The following KCNIP1 variants were observed in gnomAD, a reference collection of about 807,000 sequenced individuals.
The protein encoded by KCNIP1 is A-type potassium channel modulatory protein KCNIP1.
KCNIP1 carries 18 observed loss-of-function variants against 33.0 expected under a neutral mutation model. The ratio of observed to expected loss-of-function variants is 0.55; its 90% CI spans 0.38 to 0.81. The LOEUF (loss-of-function observed/expected upper bound fraction) is 0.81, where lower values mean the gene tolerates loss of function less well. Ranked by LOEUF, KCNIP1 falls within the 30% of genes least tolerant of loss-of-function variation. The pLI is 0.00. For synonymous variants in KCNIP1, 93 were observed against 98.3 expected (o/e 0.95, Z 0.32); for missense variants, 238 against 271.6 (o/e 0.88, Z 0.87).
At chr5:170,570,758 C>A (rs1401396550) in intron 1 of KCNIP1, among the ~76,000 whole-genome samples, 2 of 152,220 alleles carry the variant, frequency 1.3e-5, no homozygotes, top group African/African-American at 2.4e-5. Flanking sequence ...GTGGGGACAC[C>A]GAACAGGAGA....
intron 1 of KCNIP1, among the ~76,000 whole-genome samples, chr5:170,544,417 A>G (rs1202683484): frequency 6.6e-6 from 1 of 152,146 alleles, no homozygotes; most frequent in African/African-American, 2.4e-5. Context: ...TTGATACTTC[A>G]TTTAACTCCT....
intron 1 of KCNIP1, among the ~76,000 whole-genome samples, chr5:170,497,617 G>A (rs147515052): frequency 0.011 from 1,654 of 152,218 alleles, 16 homozygotes; most frequent in Non-Finnish European, 0.015. Context: ...CTAACCACCC[G>A]TCCCCTTTCA....
At chr5:170,573,218 T>C (rs1258497590) in intron 1 of KCNIP1, among the ~76,000 whole-genome samples, 4 of 152,212 alleles carry the variant, frequency 2.6e-5, no homozygotes, top group Non-Finnish European at 4.4e-5. Context: ...TAGGGTAATA[T>C]TGGTACTTTA....
chr5:170,674,500 A>G (rs939075896), intron 1 of KCNIP1, among the ~76,000 whole-genome samples: 2 of 152,192 alleles, frequency 1.3e-5, no homozygotes, highest in Admixed American at 1.3e-4. Flanking sequence ...GCCGGGAGGC[A>G]TCGACTCCCG....
intron 1 of KCNIP1, among the ~76,000 whole-genome samples, chr5:170,552,443 A>G (rs1756682360): frequency 6.6e-6 from 1 of 152,222 alleles, no homozygotes; most frequent in Non-Finnish European, 1.5e-5. Flanking sequence ...GATCCAAAGG[A>G]AAGAAAGCAG....
chr5:170,384,680 C>A (rs549765657), intron 1 of KCNIP1, among the ~76,000 whole-genome samples: 18 of 152,330 alleles, frequency 1.2e-4, no homozygotes, highest in African/African-American at 4.1e-4. Context: ...GCTGGGGGAA[C>A]TGAGTGTCTT....
chr5:170,596,005 T>C (rs1428077026), intron 1 of KCNIP1, among the ~76,000 whole-genome samples: 1 of 152,214 alleles, frequency 6.6e-6, no homozygotes, highest in East Asian at 1.9e-4. Flanking sequence ...ACAGCAGAGC[T>C]TCCAGCAATG....
intron 1 of KCNIP1, among the ~76,000 whole-genome samples, chr5:170,702,136 C>A (rs1313025541): frequency 6.6e-6 from 1 of 152,250 alleles, no homozygotes; most frequent in Admixed American, 6.5e-5. Flanking sequence ...TTTCCATTCA[C>A]AGCTCCATCC....
chr5:170,424,167 G>T (rs140854642), intron 1 of KCNIP1, among the ~76,000 whole-genome samples: 24 of 152,316 alleles, frequency 1.6e-4, no homozygotes, highest in Non-Finnish European at 7.3e-5. Context: ...ATGCTCTTGG[G>T]TTCCCTGTCC....
At chr5:170,540,839 C>T (rs1010251053) in intron 1 of KCNIP1, among the ~76,000 whole-genome samples, 4 of 152,160 alleles carry the variant, frequency 2.6e-5, no homozygotes, top group Admixed American at 6.5e-5. Context: ...TCAGACACTT[C>T]CCACTTCCCC....
At chr5:170,468,413 A>T (rs1756653879) in intron 1 of KCNIP1, among the ~76,000 whole-genome samples, 1 of 152,230 alleles carries the variant, frequency 6.6e-6, no homozygotes, top group Non-Finnish European at 1.5e-5. Flanking sequence ...TAAATAAATA[A>T]TAAGATTCGT....
At chr5:170,677,113 A>G (rs1009400273) in intron 1 of KCNIP1, among the ~76,000 whole-genome samples, 3 of 152,218 alleles carry the variant, frequency 2.0e-5, no homozygotes, top group Non-Finnish European at 4.4e-5. Context: ...ATGGTTAATA[A>G]TAACAGTAAT....
intron 1 of KCNIP1, among the ~76,000 whole-genome samples, chr5:170,417,290 T>C (rs1365095082): frequency 6.6e-6 from 1 of 152,250 alleles, no homozygotes; most frequent in Non-Finnish European, 1.5e-5. Flanking sequence ...TTTCTTATTT[T>C]CACGTGTCTA....
intron 1 of KCNIP1, among the ~76,000 whole-genome samples, chr5:170,409,408 T>A (rs543123668): frequency 6.6e-6 from 1 of 152,190 alleles, no homozygotes; most frequent in Non-Finnish European, 1.5e-5. Flanking sequence ...TGAACTCATG[T>A]GTCCAGTTGC....
intron 1 of KCNIP1, among the ~76,000 whole-genome samples, chr5:170,394,638 G>A (rs1005411588): frequency 2.6e-5 from 4 of 152,168 alleles, no homozygotes; most frequent in Non-Finnish European, 5.9e-5. Context: ...TACACGTGCA[G>A]GTTTGTTGTG....
At chr5:170,661,229 G>GTGAA (rs1214144700) in intron 1 of KCNIP1, among the ~76,000 whole-genome samples, 1 of 152,200 alleles carries the variant, frequency 6.6e-6, no homozygotes, top group Non-Finnish European at 1.5e-5. Flanking sequence ...CATCCATGAT[G>GTGAA]TGAAGCACAT....
chr5:170,638,123 G>T (rs1287109221), intron 1 of KCNIP1, among the ~76,000 whole-genome samples: 1 of 152,172 alleles, frequency 6.6e-6, no homozygotes, highest in Non-Finnish European at 1.5e-5. Context: ...GGCATTGCCA[G>T]ATTGATAGTC....
Position 170,426,464 on chromosome 5 carries a change from G to A in KCNIP1, c.88+72500G>A, listed in dbSNP as rs577733926. ...TACTGGGACATACTGAAGGGCGAAGGCTTGAGTCACAAAGTCACAGGGATA... is the reference window on the plus strand; with the variant it reads ...TACTGGGACATACTGAAGGGCGAAGACTTGAGTCACAAAGTCACAGGGATA... On this transcript the variant is annotated intron_variant, in intron 1 of 7. Transcript: ENST00000377360. 6.6e-5 allele frequency among the ~76,000 whole-genome samples: 10 copies of A among 152,278 alleles called. No individual in the cohort carries two copies. The South Asian group carries it at 2.1e-3, about 32-fold the overall frequency.
At chr5:170,355,304 C>G (rs1237131812) in intron 1 of KCNIP1, among the ~76,000 whole-genome samples, 2 of 152,188 alleles carry the variant, frequency 1.3e-5, no homozygotes, top group Non-Finnish European at 2.9e-5. Context: ...TGTGATTGCT[C>G]TCAGTGGCTT....
Sources: gnomAD v4.1 joint callset for allele counts (sites outside exome capture counted in the v4.1 genomes callset) on GRCh38, gnomAD v4.1.1 for gene constraint, MANE v1.5 for transcripts, NCBI Gene and HGNC (gene_info 2026-07-23, HGNC 2026-07-21) for gene names.